Variants in CPXM2 observed in about 807,000 individuals in gnomAD.
CPXM2 encodes carboxypeptidase X, M14 family member 2, also known as inactive carboxypeptidase-like protein X2.
In CPXM2, 66 loss-of-function variants were observed where a neutral mutation model predicts 86.1. The observed-to-expected ratio is 0.77, with a 90% CI of 0.63 to 0.94. The LOEUF is 0.94. CPXM2 is among the 40% of genes least tolerant of loss of function. The pLI is 0.00. For synonymous variants in CPXM2, 388 were observed against 400.2 expected (o/e 0.97, Z 0.36); for missense variants, 948 against 1,026.3 (o/e 0.92, Z 1.04).
chr10:123,879,121 G>A (rs542368883), intron 2 of CPXM2, among the ~76,000 whole-genome samples: 1 of 152,316 alleles, frequency 6.6e-6, no homozygotes, highest in South Asian at 2.1e-4. Context: ...GGTCACTGTT[G>A]TTGACATCTG....
chr10:123,778,703 A>C (rs1450133169), intron 7 of CPXM2, among the ~76,000 whole-genome samples: 1 of 152,180 alleles, frequency 6.6e-6, no homozygotes, highest in African/African-American at 2.4e-5. Flanking sequence ...CTGAGTTGAT[A>C]TTTGTCTCAT....
chr10:123,892,994 T>C (rs911421924), upstream of CPXM2, among the ~76,000 whole-genome samples: 5 of 152,160 alleles, frequency 3.3e-5, no homozygotes, highest in Admixed American at 6.5e-5. Context: ...CTAGAGAAAA[T>C]TCTGTGCTTT....
At chr10:123,932,335 T>C (rs1296926688) in intron 2 of CPXM2, among the ~76,000 whole-genome samples, 4 of 152,244 alleles carry the variant, frequency 2.6e-5, no homozygotes, top group African/African-American at 9.6e-5. Context: ...GTGCAGGCTT[T>C]GAGCTAACTG....
At chr10:123,941,934 A>G (rs1945781278), upstream of CPXM2, among the ~76,000 whole-genome samples, 1 of 152,234 alleles carries the variant, frequency 6.6e-6, no homozygotes, top group African/African-American at 2.4e-5. Flanking sequence ...TTAGATCCCT[A>G]TGGGCATGCC....
intron 2 of CPXM2, among the ~76,000 whole-genome samples, chr10:123,909,865 A>G (rs1945473896): frequency 6.6e-6 from 1 of 152,194 alleles, no homozygotes; most frequent in Admixed American, 6.5e-5. Flanking sequence ...CATGAGGGCC[A>G]TGGAGCAGTG....
At chr10:123,880,601 G>C (rs536848558) in intron 1 of CPXM2, among the ~76,000 whole-genome samples, 4 of 151,984 alleles carry the variant, frequency 2.6e-5, no homozygotes, top group Non-Finnish European at 4.4e-5. Context: ...AGGCTAAGGC[G>C]GGTGGATCAC....
chr10:123,851,667 G>A (rs1361106781), intron 3 of CPXM2, among the ~76,000 whole-genome samples: 2 of 151,900 alleles, frequency 1.3e-5, no homozygotes, highest in Non-Finnish European at 2.9e-5. Context: ...TCCTCGGGAG[G>A]CTGAGGCAGG....
chr10:123,841,088 C>T (rs779318872), intron 4 of CPXM2, among the ~76,000 whole-genome samples: 1 of 152,166 alleles, frequency 6.6e-6, no homozygotes, highest in Non-Finnish European at 1.5e-5. Context: ...AATGTTCACG[C>T]GTGGGGCATT....
At chr10:123,820,401 G>A (rs532428269) in intron 4 of CPXM2, among the ~76,000 whole-genome samples, 1 of 152,196 alleles carries the variant, frequency 6.6e-6, no homozygotes, top group African/African-American at 2.4e-5. Flanking sequence ...AAGAGCTTGA[G>A]CTCATCTCCA....
At chr10:123,843,464 C>T (rs1242759263) in intron 3 of CPXM2, among the ~76,000 whole-genome samples, 44 of 117,976 alleles carry the variant, frequency 3.7e-4, no homozygotes, top group African/African-American at 1.4e-3. Context: ...GACGGAGTCT[C>T]GCTCTGTTGC....
chr10:123,812,872 C>T (rs962651127), intron 4 of CPXM2, among the ~76,000 whole-genome samples: 3 of 152,132 alleles, frequency 2.0e-5, no homozygotes, highest in Non-Finnish European at 4.4e-5. Flanking sequence ...TCCATGAAAC[C>T]GGTCCCTGGT....
intron 2 of CPXM2, among the ~76,000 whole-genome samples, chr10:123,936,732 C>T (rs1039345361): frequency 1.3e-5 from 2 of 152,136 alleles, no homozygotes; most frequent in African/African-American, 2.4e-5. Flanking sequence ...CTCCACTCTC[C>T]CTTTGTCTCT....
At chr10:123,882,740 A>G (rs1945112391) in intron 1 of CPXM2, among the ~76,000 whole-genome samples, 1 of 150,152 alleles carries the variant, frequency 6.7e-6, no homozygotes, top group African/African-American at 2.5e-5. Context: ...GCAGCTCCCA[A>G]TACTATGGCC....
chr10:123,766,870 A>G, intron 10 of CPXM2, 103 bp downstream of exon 10: 1 of 944,180 alleles, frequency 1.1e-6, no homozygotes. Context: ...TGAAAGAAAA[A>G]AACAGTTTTG....
intron 4 of CPXM2, among the ~76,000 whole-genome samples, chr10:123,816,899 A>T (rs1209349255): frequency 6.6e-6 from 1 of 152,244 alleles, no homozygotes; most frequent in African/African-American, 2.4e-5. Context: ...CCAGTGAGCA[A>T]GACGTAGCAA....
At chr10:123,861,282 C>G (rs1013895456) in intron 3 of CPXM2, among the ~76,000 whole-genome samples, 1 of 152,292 alleles carries the variant, frequency 6.6e-6, no homozygotes, top group South Asian at 2.1e-4. Context: ...GGCTTGGAAA[C>G]TACTCCCAAT....
intron 2 of CPXM2, among the ~76,000 whole-genome samples, chr10:123,931,230 T>C (rs550177110): frequency 1.9e-4 from 29 of 151,844 alleles, no homozygotes; most frequent in South Asian, 1.5e-3. Flanking sequence ...ATCAGATCTA[T>C]GAGGCCGAAC....
chr10:123,794,212 A>G (rs1030376209), intron 6 of CPXM2, among the ~76,000 whole-genome samples: 5 of 152,164 alleles, frequency 3.3e-5, no homozygotes, highest in African/African-American at 1.2e-4. Flanking sequence ...CACACCCAAG[A>G]ACCCTGGACA....
intron 2 of CPXM2, among the ~76,000 whole-genome samples, chr10:123,938,762 G>A (rs1945746454): frequency 1.3e-5 from 2 of 152,212 alleles, no homozygotes; most frequent in Admixed American, 6.5e-5. Flanking sequence ...GGTCTATGGT[G>A]AGCCAGTAGA....
Sources: gnomAD v4.1 joint callset for allele counts (sites outside exome capture counted in the v4.1 genomes callset) on GRCh38, gnomAD v4.1.1 for gene constraint, MANE v1.5 for transcripts, NCBI Gene and HGNC (gene_info 2026-07-23, HGNC 2026-07-21) for gene names.